CSMD1: variants seen among roughly 807,000 people sequenced by gnomAD.
CSMD1 encodes the protein CUB and Sushi multiple domains 1, also known as CUB and sushi domain-containing protein 1.
In CSMD1, 213 loss-of-function variants were observed where a neutral mutation model predicts 417.5. The observed-to-expected ratio is 0.51, with a 90% CI of 0.46 to 0.57. The LOEUF (loss-of-function observed/expected upper bound fraction) is 0.57, where lower values mean the gene tolerates loss of function less well. Ranked by LOEUF, CSMD1 falls within the 20% of genes least tolerant of loss-of-function variation. The pLI is 0.00. For synonymous variants in CSMD1, 2,862 were observed against 1,736.8 expected (o/e 1.65, Z -16.11); for missense variants, 6,923 against 4,529.7 (o/e 1.53, Z -15.17).
intron 2 of CSMD1, among the ~76,000 whole-genome samples, chr8:4,475,599 T>G (rs1250077921): frequency 6.6e-6 from 1 of 151,562 alleles, no homozygotes; most frequent in Non-Finnish European, 1.5e-5. Flanking sequence ...TTTCTTAGGG[T>G]TTTTTTTCTT....
intron 1 of CSMD1, among the ~76,000 whole-genome samples, chr8:4,671,408 T>C (rs1805315860): frequency 6.6e-6 from 1 of 152,198 alleles, no homozygotes; most frequent in African/African-American, 2.4e-5. Flanking sequence ...TAGAAACTCT[T>C]CATGAGGAGA....
chr8:4,962,998 G>T (rs574855040), intron 1 of CSMD1, among the ~76,000 whole-genome samples: 12 of 152,062 alleles, frequency 7.9e-5, no homozygotes, highest in Admixed American at 3.3e-4. Flanking sequence ...CGCTATATAC[G>T]TATTTTTCAA....
At chr8:3,232,218 T>C (rs187557749) in intron 26 of CSMD1, among the ~76,000 whole-genome samples, 1 of 152,198 alleles carries the variant, frequency 6.6e-6, no homozygotes, top group Non-Finnish European at 1.5e-5. Context: ...TGACTATAAA[T>C]GTATGCATTC....
Position 3,367,143 on chromosome 8 carries a change from A to G in CSMD1, c.3004T>C (p.Ser1002Pro), listed in dbSNP as rs1240604457. ...GCCTTGATCGTATGAGGCAACACCG[A>G]CCCGGTGAGCCTGGCAACGGGCTCG... ...FSEPVARLTG[S>P]VLPHTIKAGL... Residue 1002 changes from serine to proline, a missense_variant, in exon 20 of 70, where the codon TCG (serine) becomes CCG (proline). By Grantham distance (74) the Ser-to-Pro change is moderately conservative (BLOSUM62 -1). Coordinates refer to ENST00000635120, the MANE Select transcript of CSMD1 (RefSeq NM_033225.6). 3 of 1,613,652 alleles carry G rather than the reference A, an allele frequency of 1.9e-6. No homozygotes were observed. The highest frequency in any genetic ancestry group is 1.1e-5 in the South Asian group (1 of 91,016).
At chr8:3,612,722 A>G (rs1311993940) in intron 8 of CSMD1, among the ~76,000 whole-genome samples, 1 of 152,140 alleles carries the variant, frequency 6.6e-6, no homozygotes, top group Admixed American at 6.5e-5. Context: ...ATGTAATTCA[A>G]GCTGCAGGAA....
chr8:3,681,454 A>G (rs187806999), intron 7 of CSMD1, among the ~76,000 whole-genome samples: 1 of 152,190 alleles, frequency 6.6e-6, no homozygotes, highest in Non-Finnish European at 1.5e-5. Context: ...TTCAAAGAGA[A>G]TAAAATACCT....
intron 10 of CSMD1, among the ~76,000 whole-genome samples, chr8:3,559,793 G>C (rs1179720226): frequency 6.6e-6 from 1 of 152,140 alleles, no homozygotes; most frequent in Non-Finnish European, 1.5e-5. Flanking sequence ...AAAATGGAGA[G>C]TGAGGAGAGA....
intron 1 of CSMD1, among the ~76,000 whole-genome samples, chr8:4,730,863 G>C (rs891049351): frequency 2.6e-5 from 4 of 152,162 alleles, no homozygotes; most frequent in Non-Finnish European, 4.4e-5. Context: ...GCCGTAACGA[G>C]AAATGTCTCC....
chr8:3,785,231 G>C (rs940708424), intron 5 of CSMD1, among the ~76,000 whole-genome samples: 3 of 152,224 alleles, frequency 2.0e-5, no homozygotes, highest in Non-Finnish European at 2.9e-5. Flanking sequence ...ATCCATCACA[G>C]TTTGTGAAAT....
At chr8:3,043,386 G>A (rs112126934) in intron 50 of CSMD1, among the ~76,000 whole-genome samples, 1,595 of 151,752 alleles carry the variant, frequency 0.011, 2 homozygotes, top group African/African-American at 0.037. Context: ...TCACTATAGC[G>A]ATAGGTTTCT....
chr8:4,351,237 C>T (rs1040670219), intron 3 of CSMD1, among the ~76,000 whole-genome samples: 1 of 151,978 alleles, frequency 6.6e-6, no homozygotes, highest in African/African-American at 2.4e-5. Flanking sequence ...CCTAAAGCTC[C>T]ATCTACATCC....
At chr8:3,945,975 G>A (rs1319178633) in intron 5 of CSMD1, among the ~76,000 whole-genome samples, 1 of 152,088 alleles carries the variant, frequency 6.6e-6, no homozygotes, top group East Asian at 1.9e-4. Context: ...GAAAGGTTAT[G>A]TTCCAGACCG....
chr8:3,761,783 G>A (rs538909898), intron 5 of CSMD1, among the ~76,000 whole-genome samples: 3 of 152,262 alleles, frequency 2.0e-5, no homozygotes, highest in African/African-American at 7.2e-5. Flanking sequence ...TAGGATTACA[G>A]GCTTGAGCAA....
At chr8:3,396,411 A>T in intron 16 of CSMD1, 30 bp from the exon 17 acceptor site, 1 of 1,480,732 alleles carries the variant, frequency 6.8e-7, no homozygotes, top group Non-Finnish European at 9.1e-7. Flanking sequence ...ATCAGAAAAG[A>T]CATGCAGAAC....
At chr8:3,337,490 G>C (rs971879680) in intron 23 of CSMD1, among the ~76,000 whole-genome samples, 1 of 151,964 alleles carries the variant, frequency 6.6e-6, no homozygotes, top group Non-Finnish European at 1.5e-5. Context: ...TTTGCGGTTG[G>C]CAGTCTTGCC....
chr8:4,317,548 T>G (rs1045454158), intron 3 of CSMD1, among the ~76,000 whole-genome samples: 1 of 152,164 alleles, frequency 6.6e-6, no homozygotes, highest in Non-Finnish European at 1.5e-5. Context: ...TTTCCAGAGA[T>G]AGATTTAAAG....
intron 50 of CSMD1, among the ~76,000 whole-genome samples, chr8:3,033,567 G>A (rs1354489998): frequency 6.6e-6 from 1 of 151,980 alleles, no homozygotes; most frequent in African/African-American, 2.4e-5. Flanking sequence ...CATGGACACA[G>A]GGAGGGGAAC....
chr8:3,967,511 A>T (rs1267542778), intron 5 of CSMD1, among the ~76,000 whole-genome samples: 1 of 151,946 alleles, frequency 6.6e-6, no homozygotes, highest in African/African-American at 2.4e-5. Flanking sequence ...GCGGACTTGG[A>T]TGGAGAATTA....
intron 1 of CSMD1, among the ~76,000 whole-genome samples, chr8:4,668,039 T>C (rs1425260397): frequency 6.6e-6 from 1 of 152,174 alleles, no homozygotes; most frequent in African/African-American, 2.4e-5. Flanking sequence ...AAATACCTCA[T>C]CTCTTATTTT....
Sources: allele counts gnomAD v4.1 joint callset (sites outside exome capture counted in the v4.1 genomes callset), GRCh38; gene constraint gnomAD v4.1.1; transcripts MANE v1.5; gene names NCBI Gene and HGNC (gene_info 2026-07-23, HGNC 2026-07-21).